The following BTBD16 variants were observed in gnomAD, a reference collection of about 807,000 sequenced individuals.
BTBD16 encodes the protein BTB/POZ domain-containing protein 16.
In BTBD16, 66 loss-of-function variants were observed where a neutral mutation model predicts 67.4. The observed-to-expected ratio is 0.98, with a 90% CI of 0.80 to 1.20. BTBD16 has a LOEUF of 1.20. Ranked by LOEUF, BTBD16 falls within the 50% of genes most tolerant of loss-of-function variation. The pLI, the probability that BTBD16 is intolerant of heterozygous loss-of-function variation, is 0.00. For synonymous variants in BTBD16, 242 were observed against 236.4 expected (o/e 1.02, Z -0.22); for missense variants, 634 against 616.0 (o/e 1.03, Z -0.31).
intron 7 of BTBD16, chr10:122,294,045 A>G: frequency 3.7e-6 from 3 of 814,178 alleles, no homozygotes; most frequent in Non-Finnish European, 4.5e-6. Flanking sequence ...CTTTCATTCC[A>G]CTGATGAGCA....
intron 7 of BTBD16, among the ~76,000 whole-genome samples, chr10:122,292,475 A>G (rs995951613): frequency 4.6e-5 from 7 of 152,252 alleles, no homozygotes; most frequent in African/African-American, 1.7e-4. Context: ...CTCGTAGGTC[A>G]GGGGGCCCCA....
chr10:122,317,767 A>T (rs1443428403), intron 10 of BTBD16, among the ~76,000 whole-genome samples: 1 of 152,086 alleles, frequency 6.6e-6, no homozygotes, highest in Non-Finnish European at 1.5e-5. Context: ...TTCCACCTCC[A>T]CATCTTGTCC....
chr10:122,285,972 C>T, intron 4 of BTBD16, 133 bp from the exon 5 acceptor site: 2 of 873,760 alleles, frequency 2.3e-6, no homozygotes, highest in East Asian at 2.4e-5. Flanking sequence ...TTCTGAGATG[C>T]CTGGGGAGGC....
intron 7 of BTBD16, chr10:122,295,208 A>T (rs2096380949): frequency 1.5e-6 from 1 of 673,216 alleles, no homozygotes; most frequent in Non-Finnish European, 1.8e-6. Context: ...GAAGGCATGG[A>T]AATCAAAACT....
intron 10 of BTBD16, chr10:122,328,662 C>G (rs1267461343): frequency 1.2e-5 from 9 of 743,482 alleles, no homozygotes; most frequent in Non-Finnish European, 1.1e-5. Context: ...TATGCAGGCT[C>G]TGCCTTGAGG....
rs372541100 is a variant in BTBD16, at chr10:122,332,407, G to A, written c.1087-29G>A. Reference sequence around the variant, plus strand: ...GCGCTCGTGTCCAGAGGATCCCACCGTGGTCAGCTGTGTGCATTTTCCTTT... The same window carrying A: ...GCGCTCGTGTCCAGAGGATCCCACCATGGTCAGCTGTGTGCATTTTCCTTT... On this transcript the variant is annotated intron_variant, in intron 12 of 15. Transcript: ENST00000260723. The A allele has an allele frequency of 1.1e-4, 176 of 1,611,026 alleles. No homozygotes were observed. In the African/African-American group the frequency reaches 1.6e-3, roughly 15 times the overall value.
chr10:122,299,173 GA>G, intron 9 of BTBD16, 39 bp downstream of exon 9: 1 of 1,607,580 alleles, frequency 6.2e-7, no homozygotes, highest in South Asian at 1.1e-5. Context: ...CTGAGAGGGG[GA>G]TGGGAGAAAG....
At chr10:122,287,431 A>G (rs1048978165) in intron 5 of BTBD16, 7 of 985,296 alleles carry the variant, frequency 7.1e-6, no homozygotes, top group Non-Finnish European at 8.4e-6. Context: ...TAGCCCTGCT[A>G]AGACAGCCAC....
At chr10:122,336,812 T>C (rs776672721) in intron 15 of BTBD16, 130 bp downstream of exon 15, 219 of 774,018 alleles carry the variant, frequency 2.8e-4, no homozygotes, top group Non-Finnish European at 4.0e-4. Context: ...GCTCAGTTTC[T>C]TAAGGATTAT....
At position 122,336,577 on chromosome 10, in the gene BTBD16, G is replaced by A. The variant is rs1235704481; in HGVS notation, c.1347G>A (p.Lys449=). ...GCCTGCGAGCGGCACGCCTGGTGAA[G>A]TATGAGATCAGAGCAGAGGCCCTGG... ...HVSLRAARLV[K]YEIRAEALVD... The change falls in exon 15 of 16, where the codon AAG becomes AAA. Residue 449 remains lysine (K), a synonymous_variant. Coordinates refer to ENST00000260723, the MANE Select transcript of BTBD16 (RefSeq NM_144587.5). 6.2e-7 allele frequency: 1 copy of A among 1,613,390 alleles called. No individual in the cohort carries two copies. Among genetic ancestry groups the A allele is most frequent in the South Asian group, 1.1e-5 (1 of 90,880 alleles).
intron 5 of BTBD16, among the ~76,000 whole-genome samples, chr10:122,287,790 A>T (rs1367451719): frequency 6.6e-6 from 1 of 152,102 alleles, no homozygotes; most frequent in African/African-American, 2.4e-5. Context: ...ATTTCCTTCC[A>T]TGGAGACTGG....
At chr10:122,337,960 G>T (rs886849225) in intron 15 of BTBD16, 57 bp from the exon 16 acceptor site, 57 of 1,432,544 alleles carry the variant, frequency 4.0e-5, no homozygotes, top group Non-Finnish European at 4.9e-5. Flanking sequence ...CCCCTTCTGG[G>T]GGGCAATTGT....
In BTBD16 at chr10:122,288,606, G is replaced by A. The variant is rs532830846; in HGVS notation, c.386-1303G>A. 1.8e-4 allele frequency among the ~76,000 whole-genome samples: 28 copies of A among 152,240 alleles called. 1 individual carries two copies. The highest frequency in any genetic ancestry group is 5.2e-4 in the Admixed American group (8 of 15,300). On this transcript the variant is annotated intron_variant, in intron 5 of 15. Coordinates refer to ENST00000260723, the MANE Select transcript of BTBD16 (RefSeq NM_144587.5). ...CTGGGATGGGCCCAGTGGGTGGAGC[G>A]GCAAGTGAACCACCTCAGCTGAGCT...
At chr10:122,322,230 A>C (rs1455171785) in intron 10 of BTBD16, among the ~76,000 whole-genome samples, 1 of 152,070 alleles carries the variant, frequency 6.6e-6, no homozygotes, top group Non-Finnish European at 1.5e-5. Context: ...TTTCTTCAAG[A>C]ATTGATATTC....
At chr10:122,274,373 A>G (rs2096335785) in intron 1 of BTBD16, among the ~76,000 whole-genome samples, 1 of 151,800 alleles carries the variant, frequency 6.6e-6, no homozygotes, top group Non-Finnish European at 1.5e-5. Flanking sequence ...ACAGCCACCA[A>G]CTCCTGGTGC....
rs77871445 is a variant in BTBD16 at position 122,306,944 on chromosome 10, C to T, written c.792-245C>T. ...TCATTAAATGACGATCATTGTTTTG[C>T]GGGGCACAGAGGGTGGGTGAAAACA... On this transcript the variant is annotated intron_variant, in intron 9 of 15. Transcript: ENST00000260723. Among the ~76,000 whole-genome samples, 139 of 152,190 alleles carry T rather than the reference C, an allele frequency of 9.1e-4. 3 individuals carry two copies. The East Asian group carries it at 0.022, about 24-fold the overall frequency.
intron 4 of BTBD16, among the ~76,000 whole-genome samples, chr10:122,285,583 T>C (rs2096362046): frequency 6.6e-6 from 1 of 152,188 alleles, no homozygotes; most frequent in East Asian, 1.9e-4. Flanking sequence ...AGATTTTTGG[T>C]TGTCACCGCT....
intron 10 of BTBD16, chr10:122,327,708 C>T (rs1780154164): frequency 2.1e-6 from 2 of 937,508 alleles, no homozygotes; most frequent in Non-Finnish European, 2.5e-6. Context: ...AAGCTGTTTC[C>T]AAATCCTCTG....
At chr10:122,288,018 C>A (rs2096367024) in intron 5 of BTBD16, among the ~76,000 whole-genome samples, 2 of 151,834 alleles carry the variant, frequency 1.3e-5, no homozygotes, top group Non-Finnish European at 2.9e-5. Context: ...TAACTGATTC[C>A]CTCCCTCCCT....
Sources: gnomAD v4.1 joint callset for allele counts (sites outside exome capture counted in the v4.1 genomes callset) on GRCh38, gnomAD v4.1.1 for gene constraint, MANE v1.5 for transcripts, NCBI Gene and HGNC (gene_info 2026-07-23, HGNC 2026-07-21) for gene names.